The following AKAP6 variants were observed in gnomAD, a reference collection of about 807,000 sequenced individuals.
The protein encoded by AKAP6 is A-kinase anchoring protein 6.
AKAP6 carries 58 observed loss-of-function variants against 188.5 expected under a neutral mutation model. The observed-to-expected ratio is 0.31, with a 90% CI of 0.25 to 0.38. AKAP6 has a LOEUF of 0.38. AKAP6 is among the 10% of genes least tolerant of loss of function. The probability of loss-of-function intolerance (pLI) is 1.00; values close to 1 mark genes in which losing one functional copy is unlikely to be tolerated. For missense variants in AKAP6, 2,710 were observed against 2,740.0 expected, an observed-to-expected ratio of 0.99 and a Z score of 0.24; for synonymous variants, 989 against 998.6, an observed-to-expected ratio of 0.99 and a Z score of 0.18.
intron 8 of AKAP6, among the ~76,000 whole-genome samples, chr14:32,681,812 G>A (rs1253698298): frequency 6.6e-6 from 1 of 151,810 alleles, no homozygotes; most frequent in East Asian, 1.9e-4. Context: ...CTGAGTCACT[G>A]GGACTACTGG....
chr14:32,466,692 T>C (rs1217788211), intron 2 of AKAP6, among the ~76,000 whole-genome samples: 1 of 149,336 alleles, frequency 6.7e-6, no homozygotes. Flanking sequence ...TGTATACCTA[T>C]GTAACAAACC....
At chr14:32,440,928 G>A (rs764126040) in intron 2 of AKAP6, among the ~76,000 whole-genome samples, 5 of 152,120 alleles carry the variant, frequency 3.3e-5, no homozygotes, top group Non-Finnish European at 5.9e-5. Flanking sequence ...GTATTAAGAG[G>A]TGGGGTCTTT....
At chr14:32,702,417 T>C (rs73266916) in intron 9 of AKAP6, among the ~76,000 whole-genome samples, 1,692 of 152,110 alleles carry the variant, frequency 0.011, 29 homozygotes, top group African/African-American at 0.039. Context: ...CTTTTTTTTT[T>C]CTTTTTTTGA....
Position 32,484,819 on chromosome 14 carries a change from T to C in AKAP6, c.325-50735T>C, listed in dbSNP as rs1166449029. On this transcript the variant is annotated intron_variant, in intron 2 of 13. Coordinates refer to ENST00000280979, the MANE Select transcript of AKAP6 (RefSeq NM_004274.5). The stretch of plus-strand genomic sequence containing the variant: ...CGAACATCAGTGGGATAAGGTAAAA[T>C]GGCTGAGTGAAGCATTGGACTGTAA... 10 of 218,402 alleles carry C rather than the reference T, an allele frequency of 4.6e-5. 4 individuals are homozygous for C. The highest frequency in any genetic ancestry group is 3.9e-4 in the Admixed American group (4 of 10,242). 13.5% of individuals were successfully genotyped at this position (218,402 alleles called of 1,614,324 possible).
In AKAP6 at chr14:32,831,079, T is replaced by C. The variant is rs1260727767; in HGVS notation, c.*1274T>C. Reference sequence around the variant, plus strand: ...TTTTATTTCCACTTATCATTAATGATTTAATGTTGGATTTCAGGTACCTTG... The same window carrying C: ...TTTTATTTCCACTTATCATTAATGACTTAATGTTGGATTTCAGGTACCTTG... On this transcript the variant is annotated 3_prime_UTR_variant, in exon 14 of 14. Coordinates refer to ENST00000280979, the MANE Select transcript of AKAP6 (RefSeq NM_004274.5). 1 of 152,210 alleles carries C rather than the reference T, an allele frequency of 6.6e-6. No homozygotes were observed. The highest frequency in any genetic ancestry group is 6.5e-5 in the Admixed American group (1 of 15,280). The allele number at this position is 152,210 out of a possible 1,614,324, so 9.4% of individuals were successfully genotyped here.
rs117213880 is a variant in AKAP6 at position 32,808,522 on chromosome 14, T to G, written c.3589-12880T>G. ...TACTAACTCACCTCGTCTAAATTGA[T>G]GCACATTAAAATTGTTTTAACTCAC... On this transcript the variant is annotated intron_variant, in intron 12 of 13. Transcript: ENST00000280979. Among the ~76,000 whole-genome samples, 212 of 152,336 alleles carry G rather than the reference T, an allele frequency of 1.4e-3. 7 individuals carry two copies. The East Asian group carries it at 0.025, about 18-fold the overall frequency.
intron 1 of AKAP6, among the ~76,000 whole-genome samples, chr14:32,359,078 G>A (rs1014551098): frequency 9.9e-5 from 15 of 152,122 alleles, no homozygotes; most frequent in Non-Finnish European, 1.8e-4. Context: ...TAAGTGCTGC[G>A]TGGGATTAAA....
intron 2 of AKAP6, among the ~76,000 whole-genome samples, chr14:32,497,207 G>A (rs1594678379): frequency 6.6e-6 from 1 of 152,204 alleles, no homozygotes; most frequent in East Asian, 1.9e-4. Context: ...TCCTTTTCTA[G>A]AGTGAAATCT....
intron 12 of AKAP6, among the ~76,000 whole-genome samples, chr14:32,781,881 G>A (rs560738050): frequency 1.3e-5 from 2 of 152,112 alleles, no homozygotes; most frequent in Non-Finnish European, 1.5e-5. Flanking sequence ...AGGAAAAAAT[G>A]TCCAGGTGTG....
intron 7 of AKAP6, among the ~76,000 whole-genome samples, chr14:32,676,756 G>C (rs532220345): frequency 6.6e-6 from 1 of 152,204 alleles, no homozygotes; most frequent in South Asian, 2.1e-4. Context: ...GCAAACCAGA[G>C]CATTCATAAT....
chr14:32,793,815 A>G (rs2033682191), intron 12 of AKAP6, among the ~76,000 whole-genome samples: 1 of 151,942 alleles, frequency 6.6e-6, no homozygotes, highest in South Asian at 2.1e-4. Context: ...TCCTAAATAT[A>G]TATGCACCCT....
intron 4 of AKAP6, among the ~76,000 whole-genome samples, chr14:32,571,796 C>T (rs1884501272): frequency 6.6e-6 from 1 of 152,148 alleles, no homozygotes; most frequent in Non-Finnish European, 1.5e-5. Context: ...AGGGCCATGT[C>T]CTCTGTGATT....
chr14:32,402,267 C>T (rs902306066), intron 1 of AKAP6: 1 of 152,204 alleles, frequency 6.6e-6, no homozygotes, highest in African/African-American at 2.4e-5. Flanking sequence ...GATATCTTTT[C>T]AGCAGATAGC....
In AKAP6 at chr14:32,568,687, T is replaced by C. The variant is rs1884318465; in HGVS notation, c.2347-8433T>C. Among the ~76,000 whole-genome samples, 1 of 152,178 alleles carries C rather than the reference T, an allele frequency of 6.6e-6. No individual in the cohort carries two copies. The highest frequency in any genetic ancestry group is 2.4e-5 in the African/African-American group (1 of 41,444). On this transcript the variant is annotated intron_variant, in intron 4 of 13. Coordinates refer to ENST00000280979, the MANE Select transcript of AKAP6 (RefSeq NM_004274.5). This position sits in a 1 kb window ranked among gnomAD's most constrained non-coding sequence, Gnocchi z 6.2. ...CCTGAATGAGGGGTCCCCAGCTTCA[T>C]ACCTGACAATGTTGGGAGCTTGTAA...
chr14:32,658,399 G>A (rs1888541871), intron 7 of AKAP6, among the ~76,000 whole-genome samples: 1 of 152,008 alleles, frequency 6.6e-6, no homozygotes, highest in South Asian at 2.1e-4. Flanking sequence ...AATTTGATGT[G>A]TACTTCAGAA....
intron 8 of AKAP6, among the ~76,000 whole-genome samples, chr14:32,686,577 G>T (rs1487909322): frequency 1.3e-5 from 2 of 151,748 alleles, no homozygotes; most frequent in African/African-American, 2.4e-5. Flanking sequence ...TACGTACTAT[G>T]TACCCACAAA....
rs534575784 is a variant in AKAP6, at chr14:32,738,704, A to T, written c.3372+2822A>T. ...AGAGGGAAAATGATTGTCTTTAAGT[A>T]CAAATTCCCATCCTGTCATTCACTG... On this transcript the variant is annotated intron_variant, in intron 11 of 13. Coordinates refer to ENST00000280979, the MANE Select transcript of AKAP6 (RefSeq NM_004274.5). Among the ~76,000 whole-genome samples the T allele has an allele frequency of 2.6e-5, 4 of 152,238 alleles. No individual in the cohort carries two copies. The East Asian group carries it at 7.7e-4, about 29-fold the overall frequency.
chr14:32,658,899 C>A (rs1477957623), intron 7 of AKAP6, among the ~76,000 whole-genome samples: 1 of 151,756 alleles, frequency 6.6e-6, no homozygotes, highest in Non-Finnish European at 1.5e-5. Context: ...AATTCTCAAC[C>A]AACTACCAGA....
intron 1 of AKAP6, among the ~76,000 whole-genome samples, chr14:32,393,773 A>G (rs1404693403): frequency 6.6e-6 from 1 of 152,156 alleles, no homozygotes; most frequent in Non-Finnish European, 1.5e-5. Context: ...TTATTTTTGG[A>G]CACGACCAAT....
Sources: gnomAD v4.1 joint callset for allele counts (sites outside exome capture counted in the v4.1 genomes callset) on GRCh38, gnomAD v4.1.1 for gene constraint, Gnocchi (gnomAD v3.1) non-coding constraint, MANE v1.5 for transcripts, NCBI Gene and HGNC (gene_info 2026-07-23, HGNC 2026-07-21) for gene names.